KIAA1217: variants seen among roughly 807,000 people sequenced by gnomAD.
KIAA1217 encodes the protein KIAA1217.
In KIAA1217, 88 loss-of-function variants were observed where a neutral mutation model predicts 163.9. That is an observed-to-expected ratio of 0.54 (90% CI 0.45 to 0.64). KIAA1217 has a LOEUF of 0.64. Among genes scored for constraint, KIAA1217 ranks in the 30% least tolerant of loss-of-function variants. KIAA1217 has a pLI of 0.00. For missense variants in KIAA1217, 2,372 were observed against 2,475.0 expected (o/e 0.96, Z 0.88); for synonymous variants, 903 against 923.1 (o/e 0.98, Z 0.39).
At chr10:24,347,489 G>A (rs554295023) in intron 2 of KIAA1217, among the ~76,000 whole-genome samples, 49 of 152,176 alleles carry the variant, frequency 3.2e-4, no homozygotes, top group African/African-American at 8.7e-4. Flanking sequence ...TATTACAAAC[G>A]TGCCAGCTTT....
intron 6 of KIAA1217, among the ~76,000 whole-genome samples, 160 bp downstream of exon 6, chr10:24,474,220 A>G (rs1054726506): frequency 6.6e-6 from 1 of 152,178 alleles, no homozygotes; most frequent in African/African-American, 2.4e-5. Context: ...CAAAGCCACC[A>G]TTGTCTGCAA....
At chr10:24,056,335 C>A (rs2060532363) in intron 2 of KIAA1217, among the ~76,000 whole-genome samples, 3 of 151,946 alleles carry the variant, frequency 2.0e-5, no homozygotes, top group South Asian at 4.2e-4. Context: ...CTCAAAAAAA[C>A]AAACAAAAAG....
chr10:23,709,410 T>C (rs914972064), intron 1 of KIAA1217, among the ~76,000 whole-genome samples: 1 of 151,888 alleles, frequency 6.6e-6, no homozygotes, highest in East Asian at 1.9e-4. Flanking sequence ...ACACCTGTGG[T>C]CCCAGGTACT....
At chr10:24,099,956 G>C (rs142705152) in intron 2 of KIAA1217, among the ~76,000 whole-genome samples, 40 of 152,138 alleles carry the variant, frequency 2.6e-4, no homozygotes, top group African/African-American at 9.2e-4. Flanking sequence ...AAGGAGACTT[G>C]ATATGATTTC....
chr10:23,709,464 G>C (rs1207660516), intron 1 of KIAA1217, among the ~76,000 whole-genome samples: 2 of 151,904 alleles, frequency 1.3e-5, no homozygotes, highest in African/African-American at 4.8e-5. Context: ...AGGAGGATGA[G>C]GCTGCAGTGT....
At chr10:24,191,391 C>CTATTTGATAG (rs2066712068) in intron 2 of KIAA1217, among the ~76,000 whole-genome samples, 2 of 152,128 alleles carry the variant, frequency 1.3e-5, no homozygotes, top group Non-Finnish European at 2.9e-5. Flanking sequence ...ATCAGACATA[C>CTATTTGATAG]TATTTGATAG....
chr10:23,990,744 T>C (rs769568820), intron 1 of KIAA1217, among the ~76,000 whole-genome samples: 1 of 152,182 alleles, frequency 6.6e-6, no homozygotes, highest in Non-Finnish European at 1.5e-5. Context: ...GAACTGTGCT[T>C]TAATATTTTT....
chr10:23,907,647 A>G (rs981393785), intron 1 of KIAA1217, among the ~76,000 whole-genome samples: 1 of 152,012 alleles, frequency 6.6e-6, no homozygotes, highest in African/African-American at 2.4e-5. Flanking sequence ...TTTCTGTTCT[A>G]TTTGGGCCCT....
At position 24,524,419 on chromosome 10, in the gene KIAA1217, T is replaced by A; in HGVS notation, c.2553T>A (p.Ser851Arg). The change falls in exon 13 of 21, where the codon AGT (serine) becomes AGA (arginine). Residue 851 changes from serine to arginine, a missense_variant. By Grantham distance (110) the Ser-to-Arg change is moderately radical. Coordinates refer to ENST00000376454, the MANE Select transcript of KIAA1217 (RefSeq NM_019590.5). ...EKATAAEVLK[S>R]QEEAAHTSGQ... ...CCACAGCCGCAGAAGTCCTGAAGAG[T>A]CAGGAGGAGGCAGCCCACACCTCCG... 1 of 1,613,826 alleles carries A rather than the reference T, an allele frequency of 6.2e-7. No individual in the cohort carries two copies. Among genetic ancestry groups the A allele is most frequent in the Non-Finnish European group, 8.5e-7 (1 of 1,179,948 alleles).
intron 3 of KIAA1217, among the ~76,000 whole-genome samples, chr10:24,424,977 CTT>C (rs1270887759): frequency 6.6e-6 from 1 of 152,186 alleles, no homozygotes; most frequent in Non-Finnish European, 1.5e-5. Context: ...GTACTGGAAT[CTT>C]TTGCTTACCT....
At chr10:24,025,012 A>G (rs1244695160) in intron 2 of KIAA1217, among the ~76,000 whole-genome samples, 7 of 151,668 alleles carry the variant, frequency 4.6e-5, no homozygotes, top group Non-Finnish European at 4.4e-5. Context: ...ACTTTTGAAG[A>G]GCTAATGTTT....
chr10:23,949,087 A>T (rs1217516492), intron 1 of KIAA1217, among the ~76,000 whole-genome samples: 1 of 152,232 alleles, frequency 6.6e-6, no homozygotes, highest in Non-Finnish European at 1.5e-5. Flanking sequence ...GCGGAATCAG[A>T]GAAGATTCCT....
chr10:24,436,061 A>G lies in KIAA1217; in HGVS notation c.753-2325A>G, dbSNP rs148538650. ...TTTTTAGTAGAGATGGGGTTTCACC[A>G]TGTTGGCCAGGTTTGTCTCGAACTC... On this transcript the variant is annotated intron_variant, in intron 4 of 20. Transcript: ENST00000376454. Among the ~76,000 whole-genome samples, 940 of 152,042 alleles carry G rather than the reference A, an allele frequency of 6.2e-3. 10 individuals carry two copies. Among genetic ancestry groups the G allele is most frequent in the African/African-American group, 0.022 (899 of 41,460 alleles).
intron 1 of KIAA1217, among the ~76,000 whole-genome samples, chr10:23,840,744 G>A (rs913796945): frequency 6.6e-5 from 10 of 152,226 alleles, no homozygotes; most frequent in East Asian, 3.9e-4. Context: ...ACATTCTCCC[G>A]AATTCCTAAG....
chr10:24,076,643 A>G (rs2131641863), intron 2 of KIAA1217, among the ~76,000 whole-genome samples: 1 of 152,234 alleles, frequency 6.6e-6, no homozygotes, highest in East Asian at 1.9e-4. Context: ...GGGTCTCAAA[A>G]ATGCCAGAGT....
chr10:23,731,019 C>T (rs1838444758), intron 1 of KIAA1217, among the ~76,000 whole-genome samples: 1 of 152,158 alleles, frequency 6.6e-6, no homozygotes, highest in Non-Finnish European at 1.5e-5. Context: ...CTAGCACTTC[C>T]AGTTCAATGT....
rs143456506 is a variant in KIAA1217, at chr10:24,529,173, C to T, written c.3082+1054C>T. 2.3e-3 allele frequency among the ~76,000 whole-genome samples: 354 copies of T among 152,182 alleles called. 3 individuals carry two copies. Among genetic ancestry groups the T allele is most frequent in the African/African-American group, 7.5e-3 (312 of 41,512 alleles). ...TAAAGTGTATTCCATTTATAACCACCGTACAGTCATCCCTTGGTATCCATG... is the reference window on the plus strand; with the variant it reads ...TAAAGTGTATTCCATTTATAACCACTGTACAGTCATCCCTTGGTATCCATG... On this transcript the variant is annotated intron_variant, in intron 14 of 20. Transcript: ENST00000376454.
intron 1 of KIAA1217, among the ~76,000 whole-genome samples, chr10:23,740,329 C>T (rs939539387): frequency 1.3e-5 from 2 of 152,074 alleles, no homozygotes; most frequent in African/African-American, 4.8e-5. Flanking sequence ...TTTAGGGCTC[C>T]TGTGGTGTAG....
Position 24,224,428 on chromosome 10 carries a change from CT to C in KIAA1217, c.354+4520del, listed in dbSNP as rs539662088. ...AATCTTGGCTCACTGCAACCTCCAC[CT>C]CCTGGGTTAAGCCATTCTTGTGCCT... is the stretch of plus-strand genomic sequence containing the variant. On this transcript the variant is annotated intron_variant, in intron 2 of 20. Coordinates refer to ENST00000376454, the MANE Select transcript of KIAA1217 (RefSeq NM_019590.5). 9.9e-5 allele frequency among the ~76,000 whole-genome samples: 15 copies of C among 152,190 alleles called. No homozygotes were observed. The East Asian group carries it at 2.9e-3, about 29-fold the overall frequency.
Sources: allele counts gnomAD v4.1 joint callset (sites outside exome capture counted in the v4.1 genomes callset), GRCh38; gene constraint gnomAD v4.1.1; transcripts MANE v1.5; gene names NCBI Gene and HGNC (gene_info 2026-07-23, HGNC 2026-07-21).